NFIL3: variants seen among roughly 807,000 people sequenced by gnomAD.
The protein encoded by NFIL3 is nuclear factor interleukin-3-regulated protein.
In NFIL3, 5 loss-of-function variants were observed where a neutral mutation model predicts 10.0. The observed-to-expected ratio is 0.50, with a 90% CI of 0.26 to 1.06. The LOEUF (loss-of-function observed/expected upper bound fraction) is 1.06, where lower values mean the gene tolerates loss of function less well. Among genes scored for constraint, NFIL3 ranks in the 50% least tolerant of loss-of-function variants. The probability of loss-of-function intolerance (pLI) is 0.13; values close to 1 mark genes in which losing one functional copy is unlikely to be tolerated. For synonymous variants in NFIL3, 202 were observed against 206.5 expected (o/e 0.98, Z 0.19); for missense variants, 436 against 547.6 (o/e 0.80, Z 2.03).
chr9:91,458,488 C>T, the NFIL3 span, among the ~76,000 whole-genome samples: 2 of 145,892 alleles, frequency 1.4e-5, no homozygotes, highest in African/African-American at 2.5e-5. Context: ...AGTAATGTCA[C>T]CTCTCTCCTT....
At chr9:91,438,542 G>C in the NFIL3 span, among the ~76,000 whole-genome samples, 1 of 152,092 alleles carries the variant, frequency 6.6e-6, no homozygotes, top group East Asian at 1.9e-4. Context: ...TACATTTGTA[G>C]CTTGAGCTTT....
chr9:91,453,095 G>C, the NFIL3 span, among the ~76,000 whole-genome samples: 55 of 152,106 alleles, frequency 3.6e-4, 1 homozygote, highest in South Asian at 0.011. Flanking sequence ...CAGCAGGTTT[G>C]GTTCTTTCTG....
chr9:91,479,378 C>T, the NFIL3 span, among the ~76,000 whole-genome samples: 1 of 152,216 alleles, frequency 6.6e-6, no homozygotes, highest in Non-Finnish European at 1.5e-5. Context: ...AGTCTTGCTA[C>T]AGAGGCTTTG....
upstream of NFIL3, among the ~76,000 whole-genome samples, chr9:91,428,267 T>G (rs1263153321): frequency 2.0e-5 from 3 of 152,208 alleles, no homozygotes; most frequent in Non-Finnish European, 4.4e-5. Context: ...TTATTCTTAG[T>G]TTTTTCCTTT....
chr9:91,410,109 C>A lies in NFIL3; in HGVS notation c.626G>T (p.Arg209Ile). ...TQESSVQGSC[R>I]SPENKFQIIK... ...AATCTGGAACTTGTTTTCAGGACTTCTGCAGCTTCCCTGCACAGAGCTCTC... is the reference window on the plus strand; with the variant it reads ...AATCTGGAACTTGTTTTCAGGACTTATGCAGCTTCCCTGCACAGAGCTCTC... Residue 209 changes from arginine to isoleucine, a missense_variant, in exon 2 of 2, where the codon AGA becomes ATA. Physicochemically the swap from Arg to Ile is moderately conservative, Grantham distance 97. Transcript: ENST00000297689. This position sits in a 1 kb window ranked among gnomAD's most constrained non-coding sequence, Gnocchi z 5.7. 6.2e-7 allele frequency: 1 copy of A among 1,614,084 alleles called. No individual in the cohort carries two copies. Among genetic ancestry groups the A allele is most frequent in the East Asian group, 2.2e-5 (1 of 44,880 alleles).
chr9:91,468,498 T>G, the NFIL3 span, among the ~76,000 whole-genome samples: 1,873 of 152,336 alleles, frequency 0.012, 29 homozygotes, highest in African/African-American at 0.042. Context: ...GCCTGTTCAC[T>G]CTGATGGTAG....
chr9:91,445,996 C>T, the NFIL3 span, among the ~76,000 whole-genome samples: 1 of 152,256 alleles, frequency 6.6e-6, no homozygotes, highest in African/African-American at 2.4e-5. Context: ...GGCAGTGGCC[C>T]TAATTCCAAG....
chr9:91,467,524 C>T, the NFIL3 span, among the ~76,000 whole-genome samples: 1 of 151,716 alleles, frequency 6.6e-6, no homozygotes, highest in Non-Finnish European at 1.5e-5. Flanking sequence ...TGTGTTGATT[C>T]TCTGGGATTT....
intron 1 of NFIL3, among the ~76,000 whole-genome samples, chr9:91,415,475 C>T (rs961458646): frequency 1.3e-5 from 2 of 152,202 alleles, no homozygotes; most frequent in African/African-American, 2.4e-5. Flanking sequence ...CTCTCTCCTA[C>T]ACTTTCACAG....
chr9:91,480,781 A>G, the NFIL3 span, among the ~76,000 whole-genome samples: 2 of 152,230 alleles, frequency 1.3e-5, no homozygotes, highest in African/African-American at 4.8e-5. Flanking sequence ...CTAAAAAATT[A>G]CTTCTCAATT....
the NFIL3 span, among the ~76,000 whole-genome samples, chr9:91,468,683 A>C: frequency 7.9e-5 from 12 of 152,308 alleles, no homozygotes; most frequent in Admixed American, 2.0e-4. Flanking sequence ...CTAACATTTA[A>C]GTCTTTAATC....
At chr9:91,459,979 T>C in the NFIL3 span, among the ~76,000 whole-genome samples, 1,004 of 152,236 alleles carry the variant, frequency 6.6e-3, 9 homozygotes, top group African/African-American at 0.022. Context: ...AAGATATTGA[T>C]GAGGATGGTG....
the NFIL3 span, among the ~76,000 whole-genome samples, chr9:91,431,429 A>G: frequency 6.6e-6 from 1 of 152,088 alleles, no homozygotes; most frequent in Non-Finnish European, 1.5e-5. Flanking sequence ...CTCAAACACC[A>G]CAGCATGCAC....
chr9:91,430,857 G>A, the NFIL3 span, among the ~76,000 whole-genome samples: 1 of 152,122 alleles, frequency 6.6e-6, no homozygotes, highest in East Asian at 1.9e-4. Context: ...TGTTGCTCAG[G>A]CTAGTCTCAA....
At chr9:91,442,119 AGGCAGGGAT>A in the NFIL3 span, among the ~76,000 whole-genome samples, 2 of 152,024 alleles carry the variant, frequency 1.3e-5, no homozygotes, top group South Asian at 4.2e-4. Flanking sequence ...ATTTGTCATA[AGGCAGGGAT>A]AGTGGTGATG....
At chr9:91,460,285 T>TTTTTTTTTTTTTG in the NFIL3 span, among the ~76,000 whole-genome samples, 1 of 130,742 alleles carries the variant, frequency 7.6e-6, no homozygotes, top group African/African-American at 3.3e-5. Context: ...TTTTTTTTTT[T>TTTTTTTTTTTTTG]TTTTTTTGAG....
chr9:91,446,083 T>C, the NFIL3 span, among the ~76,000 whole-genome samples: 2 of 152,160 alleles, frequency 1.3e-5, no homozygotes, highest in Non-Finnish European at 2.9e-5. Flanking sequence ...TAGTGCAGTG[T>C]GTAGACACTG....
chr9:91,428,432 C>T (rs1481115421), upstream of NFIL3, among the ~76,000 whole-genome samples: 1 of 152,194 alleles, frequency 6.6e-6, no homozygotes, highest in Admixed American at 6.5e-5. Flanking sequence ...CTCTGCCTCT[C>T]GGTCCCCTAA....
chr9:91,459,681 T>C, the NFIL3 span, among the ~76,000 whole-genome samples: 5 of 152,282 alleles, frequency 3.3e-5, no homozygotes, highest in African/African-American at 1.2e-4. Flanking sequence ...AGAGACTCTG[T>C]CTTAAAACAA....
Sources: gnomAD v4.1 joint callset for allele counts (sites outside exome capture counted in the v4.1 genomes callset) on GRCh38, gnomAD v4.1.1 for gene constraint, Gnocchi (gnomAD v3.1) non-coding constraint, MANE v1.5 for transcripts, NCBI Gene and HGNC (gene_info 2026-07-23, HGNC 2026-07-21) for gene names.